Variants in ODR4 observed in about 807,000 individuals in gnomAD.
ODR4 encodes protein odr-4 homolog.
In ODR4, 47 loss-of-function variants were observed where a neutral mutation model predicts 60.2. That is an observed-to-expected ratio of 0.78 (90% CI 0.62 to 1.00). The LOEUF (loss-of-function observed/expected upper bound fraction) is 1.00, where lower values mean the gene tolerates loss of function less well. ODR4 is among the 50% of genes least tolerant of loss of function. The pLI is 0.00. For missense variants in ODR4, 488 were observed against 530.8 expected (o/e 0.92, Z 0.79); for synonymous variants, 178 against 175.5 (o/e 1.01, Z -0.11).
At chr1:186,417,499 T>C (rs1558101557) in intron 12 of ODR4, 45 bp from the exon 13 acceptor site, 1 of 1,066,422 alleles carries the variant, frequency 9.4e-7, no homozygotes, top group East Asian at 2.6e-5. Flanking sequence ...TTTCATGTGT[T>C]AATCCTTATT....
At chr1:186,392,040 A>C (rs1270553917) in intron 8 of ODR4, among the ~76,000 whole-genome samples, 8 of 152,222 alleles carry the variant, frequency 5.3e-5, no homozygotes, top group Admixed American at 5.2e-4. Context: ...AAAAAAACTC[A>C]GCATTACTAT....
chr1:186,398,985 C>T lies in ODR4; in HGVS notation c.941C>T (p.Ala314Val), dbSNP rs1195105090. ...AVKRDILNTV[A>V]DRCEMLFEDL... ...AAGAGGGATATATTGAACACAGTTG[C>T]TGATCGTTGTGAAATGCTATTTGAG... Residue 314 changes from alanine (A) to valine (V), a missense_variant, in exon 11 of 14, where the codon GCT (alanine) becomes GTT (valine). Coordinates refer to ENST00000287859, the MANE Select transcript of ODR4 (RefSeq NM_017847.6). 1.2e-6 allele frequency: 2 copies of T among 1,612,844 alleles called. No homozygotes were observed. The highest frequency in any genetic ancestry group is 1.7e-6 in the Non-Finnish European group (2 of 1,179,510).
chr1:186,399,087 A>G, intron 11 of ODR4, 43 bp downstream of exon 11: 2 of 1,206,780 alleles, frequency 1.7e-6, no homozygotes, highest in South Asian at 1.3e-5. Context: ...TCTTCAACTG[A>G]TATAGTAATA....
chr1:186,397,276 G>C (rs1660719462), intron 9 of ODR4, among the ~76,000 whole-genome samples: 1 of 152,106 alleles, frequency 6.6e-6, no homozygotes, highest in Admixed American at 6.6e-5. Flanking sequence ...AAGCACATAG[G>C]CACAAAGCAC....
rs1661760334 is a variant in ODR4 at position 186,421,177 on chromosome 1, TAAAG to T, written c.*2103_*2106del. ...GATGTTATCCTCAGCACAAATTCAGTAAAGAGACTACAAAAGGATGATCTTCAAG... is the reference window on the plus strand; with the variant it reads ...GATGTTATCCTCAGCACAAATTCAGTAGACTACAAAAGGATGATCTTCAAG... On this transcript the variant is annotated 3_prime_UTR_variant, in exon 14 of 14. Coordinates refer to ENST00000287859, the MANE Select transcript of ODR4 (RefSeq NM_017847.6). 1 of 152,162 alleles carries T rather than the reference TAAAG, an allele frequency of 6.6e-6. No homozygotes were observed. Among genetic ancestry groups the T allele is most frequent in the African/African-American group, 2.4e-5 (1 of 41,436 alleles). 9.4% of individuals were successfully genotyped at this position (152,162 alleles called of 1,614,324 possible).
chr1:186,430,966 G>A, the ODR4 span, among the ~76,000 whole-genome samples: 5 of 151,952 alleles, frequency 3.3e-5, no homozygotes, highest in East Asian at 9.7e-4. Flanking sequence ...ACTGATGAAA[G>A]GGAATAATTA....
At chr1:186,388,385 C>G in intron 4 of ODR4, 57 bp from the exon 5 acceptor site, 1 of 991,216 alleles carries the variant, frequency 1.0e-6, no homozygotes, top group Non-Finnish European at 1.5e-6. Flanking sequence ...CCTATTTCAA[C>G]ACTCATCTTT....
downstream of ODR4, among the ~76,000 whole-genome samples, chr1:186,425,338 A>G (rs1183575489): frequency 6.6e-6 from 1 of 152,222 alleles, no homozygotes; most frequent in East Asian, 1.9e-4. Context: ...AAAAGAGGAA[A>G]AATGAGAGGT....
chr1:186,401,066 ATTG>A, intron 11 of ODR4: 1 of 1,596,620 alleles, frequency 6.3e-7, no homozygotes, highest in Non-Finnish European at 8.6e-7. Context: ...ATCCACCATT[ATTG>A]TTAAAGATTT....
In ODR4 at chr1:186,419,851, C is replaced by T. The variant is rs1291152422; in HGVS notation, c.*775C>T. 1.3e-5 allele frequency: 2 copies of T among 152,118 alleles called. No individual in the cohort carries two copies. The highest frequency in any genetic ancestry group is 2.9e-5 in the Non-Finnish European group (2 of 68,040). The allele number at this position is 152,118 out of a possible 1,614,324, so 9.4% of individuals were successfully genotyped here. A position where few individuals can be genotyped will look rare whatever the true frequency, so the allele number is the denominator to read the frequency against. ...TTAGGATAAGTTCATCCTCTAGGAG[C>T]TTTCTAATGTGCACTCAGTTCCTGT... is the stretch of plus-strand genomic sequence containing the variant. On this transcript the variant is annotated 3_prime_UTR_variant, in exon 14 of 14. Transcript: ENST00000287859.
intron 1 of ODR4, among the ~76,000 whole-genome samples, chr1:186,377,293 C>G (rs1659820884): frequency 6.6e-6 from 1 of 152,158 alleles, no homozygotes; most frequent in African/African-American, 2.4e-5. Context: ...GTGGAAACCA[C>G]AGATGTGGAA....
intron 12 of ODR4, among the ~76,000 whole-genome samples, chr1:186,410,394 T>C (rs796065392): frequency 2.1e-4 from 32 of 152,330 alleles, no homozygotes; most frequent in African/African-American, 7.7e-4. Context: ...CCCCAGAAAT[T>C]TTAATCTAGT....
rs898993509 is a variant in ODR4 at position 186,421,299 on chromosome 1, A to G, written c.*2223A>G. The G allele has an allele frequency of 9.2e-5, 14 of 152,366 alleles. No individual in the cohort carries two copies. In the East Asian group the frequency reaches 2.3e-3, roughly 25 times the overall value. 9.4% of individuals were successfully genotyped at this position (152,366 alleles called of 1,614,324 possible). A position where few individuals can be genotyped will look rare whatever the true frequency, so the allele number is the denominator to read the frequency against. On this transcript the variant is annotated 3_prime_UTR_variant, in exon 14 of 14. Transcript: ENST00000287859. The stretch of plus-strand genomic sequence containing the variant: ...AGTAAATTTAAACTGTTGTTTGTAT[A>G]AAACAATTATAATGAAGTGTTTATA...
chr1:186,409,149 C>T (rs952464654), intron 12 of ODR4, among the ~76,000 whole-genome samples: 5 of 150,458 alleles, frequency 3.3e-5, no homozygotes, highest in African/African-American at 1.2e-4. Flanking sequence ...GCCGTGTTTA[C>T]ACCACTGCCG....
chr1:186,397,033 G>A (rs889385556), intron 9 of ODR4, among the ~76,000 whole-genome samples: 2 of 152,080 alleles, frequency 1.3e-5, no homozygotes, highest in African/African-American at 2.4e-5. Context: ...TTGGTTTGAT[G>A]ATAGCCATTT....
chr1:186,394,487 C>T (rs1176645837), intron 9 of ODR4, among the ~76,000 whole-genome samples: 3 of 151,984 alleles, frequency 2.0e-5, no homozygotes, highest in Non-Finnish European at 1.5e-5. Context: ...TTAATTTACA[C>T]GTCTTTTCGA....
At chr1:186,430,266 AC>A in the ODR4 span, among the ~76,000 whole-genome samples, 1 of 152,204 alleles carries the variant, frequency 6.6e-6, no homozygotes, top group African/African-American at 2.4e-5. Context: ...TTTACTTAAC[AC>A]CATTAAATGA....
intron 12 of ODR4, among the ~76,000 whole-genome samples, chr1:186,414,411 C>G (rs1167621387): frequency 2.0e-5 from 3 of 151,368 alleles, no homozygotes; most frequent in African/African-American, 7.3e-5. Context: ...TGCAAGTATT[C>G]AAGTAATAAA....
Position 186,406,235 on chromosome 1 carries a change from G to A in ODR4, c.1153G>A (p.Glu385Lys). The A allele has an allele frequency of 1.9e-6, 3 of 1,606,098 alleles. No individual in the cohort carries two copies. Among genetic ancestry groups the A allele is most frequent in the Non-Finnish European group, 2.5e-6 (3 of 1,176,968 alleles). The change falls in exon 12 of 14, where the codon GAA (glutamate) becomes AAA (lysine). Residue 385 changes from glutamate to lysine, a missense_variant. By Grantham distance (56) the Glu-to-Lys change is moderately conservative (BLOSUM62 1). Coordinates refer to ENST00000287859, the MANE Select transcript of ODR4 (RefSeq NM_017847.6). ...MEMLDHTIQIEDLEIAEETNT... is the reference protein window; with the variant it reads ...MEMLDHTIQIKDLEIAEETNT... ...GATGTTGGATCACACAATTCAAATA[G>A]AAGATTTGGAAATTGCAGAGGAAAC...
Sources: gnomAD v4.1 joint callset for allele counts (sites outside exome capture counted in the v4.1 genomes callset) on GRCh38, gnomAD v4.1.1 for gene constraint, MANE v1.5 for transcripts, NCBI Gene and HGNC (gene_info 2026-07-23, HGNC 2026-07-21) for gene names.